FGF12: variants seen among roughly 807,000 people sequenced by gnomAD.
FGF12 encodes the protein fibroblast growth factor 12.
FGF12 carries 14 observed loss-of-function variants against 23.6 expected under a neutral mutation model. The observed-to-expected ratio is 0.59, with a 90% CI of 0.39 to 0.93. The LOEUF (loss-of-function observed/expected upper bound fraction) is 0.93, where lower values mean the gene tolerates loss of function less well. FGF12 is among the 40% of genes least tolerant of loss of function. The pLI, the probability that FGF12 is intolerant of heterozygous loss-of-function variation, is 0.00. For synonymous variants in FGF12, 62 were observed against 77.3 expected, an observed-to-expected ratio of 0.80 and a Z score of 1.04; for missense variants, 175 against 217.8, an observed-to-expected ratio of 0.80 and a Z score of 1.24.
intron 4 of FGF12, among the ~76,000 whole-genome samples, chr3:192,301,097 C>T (rs1338258308): frequency 1.3e-5 from 2 of 151,818 alleles, no homozygotes; most frequent in African/African-American, 4.8e-5. Flanking sequence ...GGTCACTTTC[C>T]ATAAGGAAAA....
chr3:192,483,286 C>T (rs1723532441), intron 2 of FGF12, among the ~76,000 whole-genome samples: 1 of 152,034 alleles, frequency 6.6e-6, no homozygotes, highest in East Asian at 1.9e-4. Context: ...TCAAATGCCC[C>T]CTCTTTCCTG....
At chr3:192,485,021 T>C (rs1577011866) in intron 2 of FGF12, among the ~76,000 whole-genome samples, 1 of 151,950 alleles carries the variant, frequency 6.6e-6, no homozygotes, top group Admixed American at 6.6e-5. Flanking sequence ...TTAAATTTTA[T>C]ATGTGTACAC....
At chr3:192,335,539 T>A in intron 3 of FGF12, 75 bp from the exon 4 acceptor site, 1 of 947,418 alleles carries the variant, frequency 1.1e-6, no homozygotes, top group Non-Finnish European at 1.7e-6. Flanking sequence ...ATCATTCTTT[T>A]GAGAATTAAA....
At chr3:192,690,494 T>C (rs1717906765) in intron 2 of FGF12, among the ~76,000 whole-genome samples, 1 of 144,626 alleles carries the variant, frequency 6.9e-6, no homozygotes, top group African/African-American at 2.6e-5. Context: ...GGTATAACTA[T>C]AAAATGTTTT....
At chr3:192,199,894 T>A (rs1717269593) in intron 4 of FGF12, among the ~76,000 whole-genome samples, 1 of 152,164 alleles carries the variant, frequency 6.6e-6, no homozygotes, top group Admixed American at 6.5e-5. Context: ...ATGACCAGAA[T>A]GATTCATATA....
Position 192,616,649 on chromosome 3 carries a change from G to T in FGF12, c.13+110532C>A, listed in dbSNP as rs927507822. Reference sequence around the variant, plus strand: ...ATATTTTGAGAAGAGAAGATGAGTAGCTCATCTGTTTGATGCATGAGAGGT... The same window carrying T: ...ATATTTTGAGAAGAGAAGATGAGTATCTCATCTGTTTGATGCATGAGAGGT... On this transcript the variant is annotated intron_variant, in intron 2 of 5. Transcript: ENST00000445105. Among the ~76,000 whole-genome samples, 5 of 151,968 alleles carry T rather than the reference G, an allele frequency of 3.3e-5. 1 individual carries two copies. The highest frequency in any genetic ancestry group is 7.4e-5 in the Non-Finnish European group (5 of 67,978).
rs573863593 is a variant in FGF12, at chr3:192,334,550, G to A, written c.228+811C>T. 9.2e-5 allele frequency among the ~76,000 whole-genome samples: 14 copies of A among 152,096 alleles called. No individual in the cohort carries two copies. The South Asian group carries it at 1.5e-3, about 16-fold the overall frequency. On this transcript the variant is annotated intron_variant, in intron 4 of 5. Coordinates refer to ENST00000445105, the MANE Select transcript of FGF12 (RefSeq NM_004113.6). The stretch of plus-strand genomic sequence containing the variant: ...CACATATACACACACACCCCATTCA[G>A]TGCAGCCACATTCTCTCAACGCATA...
chr3:192,272,786 G>T (rs7633010), intron 4 of FGF12, among the ~76,000 whole-genome samples: 51,745 of 152,010 alleles, frequency 0.34, 9,938 homozygotes, highest in East Asian at 0.89. Context: ...CATAGCCATT[G>T]TAAAAATATT....
chr3:192,449,317 G>A (rs1042191515), intron 2 of FGF12, among the ~76,000 whole-genome samples: 1 of 152,100 alleles, frequency 6.6e-6, no homozygotes, highest in African/African-American at 2.4e-5. Context: ...ATGGCCGTCA[G>A]CAGCTAATTT....
At chr3:192,596,815 TA>T (rs1713877101) in intron 2 of FGF12, among the ~76,000 whole-genome samples, 1 of 152,202 alleles carries the variant, frequency 6.6e-6, no homozygotes, top group Admixed American at 6.5e-5. Flanking sequence ...GAGTGAGATT[TA>T]AAAAATAGAC....
chr3:192,641,578 G>T (rs1301338200), intron 2 of FGF12, among the ~76,000 whole-genome samples: 3 of 151,292 alleles, frequency 2.0e-5, no homozygotes, highest in Non-Finnish European at 2.9e-5. Context: ...CTAATTTTTT[G>T]TATTTTTAGT....
intron 2 of FGF12, among the ~76,000 whole-genome samples, chr3:192,660,897 CA>C (rs910951108): frequency 3.6e-5 from 4 of 110,650 alleles, no homozygotes; most frequent in East Asian, 4.7e-4. Flanking sequence ...GGGGGTGGGG[CA>C]AAAAAAAAGC....
At chr3:192,376,578 T>A (rs1306253567) in intron 2 of FGF12, among the ~76,000 whole-genome samples, 1 of 152,034 alleles carries the variant, frequency 6.6e-6, no homozygotes, top group Non-Finnish European at 1.5e-5. Flanking sequence ...GTCAGGCTGG[T>A]CTCAAACTCC....
At chr3:192,187,386 T>C (rs1222904849) in intron 4 of FGF12, among the ~76,000 whole-genome samples, 3 of 152,182 alleles carry the variant, frequency 2.0e-5, no homozygotes, top group African/African-American at 7.2e-5. Flanking sequence ...TCCACATATA[T>C]TTTTAATGTA....
chr3:192,316,025 A>G lies in FGF12; in HGVS notation c.228+19336T>C, dbSNP rs369005074. ...TTTGGAGGTAGGGCTGGCTTTAAGG[A>G]TAAGAATGAGAACTTGTTGCTCCCC... is the stretch of plus-strand genomic sequence containing the variant. On this transcript the variant is annotated intron_variant, in intron 4 of 5. Coordinates refer to ENST00000445105, the MANE Select transcript of FGF12 (RefSeq NM_004113.6). 5.3e-5 allele frequency among the ~76,000 whole-genome samples: 8 copies of G among 152,298 alleles called. No individual in the cohort carries two copies. In the South Asian group the frequency reaches 1.7e-3, roughly 32 times the overall value.
intron 2 of FGF12, among the ~76,000 whole-genome samples, chr3:192,526,951 A>G (rs78599914): frequency 0.082 from 12,484 of 152,286 alleles, 590 homozygotes; most frequent in Admixed American, 0.19. Flanking sequence ...AAAATCCAAA[A>G]GAAATGCAAG....
intron 2 of FGF12, among the ~76,000 whole-genome samples, chr3:192,398,759 T>C (rs1391316937): frequency 6.6e-6 from 1 of 152,082 alleles, no homozygotes; most frequent in Non-Finnish European, 1.5e-5. Context: ...GAAAGAAAAG[T>C]AGATTAGGAA....
chr3:192,216,253 T>G (rs940970675), intron 4 of FGF12, among the ~76,000 whole-genome samples: 1 of 152,218 alleles, frequency 6.6e-6, no homozygotes, highest in Non-Finnish European at 1.5e-5. Context: ...ATTATTAAAT[T>G]ATTGTTAACC....
intron 2 of FGF12, among the ~76,000 whole-genome samples, chr3:192,462,791 T>C (rs1722900433): frequency 6.6e-6 from 1 of 152,176 alleles, no homozygotes; most frequent in Non-Finnish European, 1.5e-5. Context: ...ACTTTATGTA[T>C]AAAGTTTCAT....
Sources: gnomAD v4.1 joint callset for allele counts (sites outside exome capture counted in the v4.1 genomes callset) on GRCh38, gnomAD v4.1.1 for gene constraint, MANE v1.5 for transcripts, NCBI Gene and HGNC (gene_info 2026-07-23, HGNC 2026-07-21) for gene names.